Variants in SAMD12 observed in about 807,000 individuals in gnomAD.
The protein encoded by SAMD12 is sterile alpha motif domain containing 12.
A neutral mutation model predicts 15.0 loss-of-function variants in SAMD12; 9 were observed. The ratio of observed to expected loss-of-function variants is 0.60; its 90% CI spans 0.36 to 1.05. The LOEUF (loss-of-function observed/expected upper bound fraction) is 1.05, where lower values mean the gene tolerates loss of function less well. Ranked by LOEUF, SAMD12 falls within the 50% of genes least tolerant of loss-of-function variation. SAMD12 has a pLI of 0.01. For synonymous variants in SAMD12, 86 were observed against 90.1 expected (o/e 0.96, Z 0.25); for missense variants, 230 against 234.2 (o/e 0.98, Z 0.12).
the SAMD12 span, among the ~76,000 whole-genome samples, chr8:118,171,780 A>G: frequency 6.7e-6 from 1 of 149,084 alleles, no homozygotes; most frequent in East Asian, 2.0e-4. Flanking sequence ...CTAAAATTAG[A>G]CTGATGATTG....
the SAMD12 span, among the ~76,000 whole-genome samples, chr8:118,150,647 G>A: frequency 6.6e-6 from 1 of 152,130 alleles, no homozygotes; most frequent in Non-Finnish European, 1.5e-5. Context: ...GAAATTATAG[G>A]CATGAATCAC....
chr8:118,328,840 T>C (rs1490774628), intron 4 of SAMD12, among the ~76,000 whole-genome samples: 1 of 152,194 alleles, frequency 6.6e-6, no homozygotes, highest in Non-Finnish European at 1.5e-5. Context: ...TATCATCCTA[T>C]GTGTAACACT....
At chr8:118,167,195 C>T in the SAMD12 span, among the ~76,000 whole-genome samples, 5 of 152,040 alleles carry the variant, frequency 3.3e-5, no homozygotes, top group African/African-American at 1.2e-4. Flanking sequence ...GCCCCCCGCG[C>T]CCCCCACACG....
chr8:118,358,058 T>C (rs1322629936), intron 4 of SAMD12, among the ~76,000 whole-genome samples: 1 of 152,162 alleles, frequency 6.6e-6, no homozygotes, highest in South Asian at 2.1e-4. Context: ...GGTGGGAGGA[T>C]TGCTTGAGCC....
intron 3 of SAMD12, among the ~76,000 whole-genome samples, chr8:118,402,386 T>A (rs190675043): frequency 3.3e-5 from 5 of 152,268 alleles, no homozygotes; most frequent in Admixed American, 2.0e-4. Flanking sequence ...GAGAAATACG[T>A]AAGATGCAAA....
the SAMD12 span, among the ~76,000 whole-genome samples, chr8:118,184,169 A>C: frequency 6.6e-6 from 1 of 150,718 alleles, no homozygotes; most frequent in Non-Finnish European, 1.5e-5. Flanking sequence ...AAATGAAATA[A>C]AAAAAAATAT....
chr8:118,566,521 T>C (rs1030827108), intron 2 of SAMD12, among the ~76,000 whole-genome samples: 1 of 152,214 alleles, frequency 6.6e-6, no homozygotes, highest in Non-Finnish European at 1.5e-5. Context: ...GAGCCTAATA[T>C]ACACTTTTGA....
chr8:118,177,924 A>G, the SAMD12 span, among the ~76,000 whole-genome samples: 21 of 152,130 alleles, frequency 1.4e-4, no homozygotes, highest in African/African-American at 5.1e-4. Flanking sequence ...ATCTGCTCCC[A>G]TCTGGTCTAA....
chr8:118,570,531 G>A (rs1272874159), intron 2 of SAMD12, among the ~76,000 whole-genome samples: 1 of 152,138 alleles, frequency 6.6e-6, no homozygotes, highest in Non-Finnish European at 1.5e-5. Flanking sequence ...CCCTGCAAAT[G>A]ACATGATCTC....
At chr8:118,586,395 T>C (rs1827443260) in intron 1 of SAMD12, among the ~76,000 whole-genome samples, 1 of 150,310 alleles carries the variant, frequency 6.7e-6, no homozygotes, top group Non-Finnish European at 1.5e-5. Flanking sequence ...CAGGCCGGAG[T>C]GCAGTGGTGT....
chr8:118,225,784 G>A (rs545616018), intron 4 of SAMD12, among the ~76,000 whole-genome samples: 19 of 152,254 alleles, frequency 1.2e-4, no homozygotes, highest in African/African-American at 4.3e-4. Context: ...CAGGCCAAGC[G>A]CAGCGAGGAT....
At chr8:118,343,409 T>C (rs1262867233) in intron 4 of SAMD12, among the ~76,000 whole-genome samples, 3 of 151,314 alleles carry the variant, frequency 2.0e-5, no homozygotes, top group African/African-American at 7.3e-5. Context: ...AAATGCAACA[T>C]GCAAAAATTG....
intron 2 of SAMD12, among the ~76,000 whole-genome samples, chr8:118,449,214 A>C (rs7826375): frequency 0.72 from 108,942 of 151,794 alleles, 39,397 homozygotes; most frequent in African/African-American, 0.8. Context: ...AGGTGCCCAC[A>C]ACCATGCTCA....
intron 2 of SAMD12, among the ~76,000 whole-genome samples, chr8:118,509,674 T>C (rs1450368833): frequency 1.3e-5 from 2 of 152,216 alleles, no homozygotes; most frequent in Non-Finnish European, 2.9e-5. Context: ...GTCTAGATTA[T>C]GATTAGTTTA....
At chr8:118,510,205 A>AC (rs1268069684) in intron 2 of SAMD12, among the ~76,000 whole-genome samples, 1 of 151,188 alleles carries the variant, frequency 6.6e-6, no homozygotes, top group South Asian at 2.1e-4. Context: ...TTGGTGATCA[A>AC]CCCCCCCACC....
chr8:118,559,309 TAC>T (rs1432593345), intron 2 of SAMD12, among the ~76,000 whole-genome samples: 1 of 152,200 alleles, frequency 6.6e-6, no homozygotes, highest in African/African-American at 2.4e-5. Flanking sequence ...TCCCATAGAA[TAC>T]AGTCCTCTGA....
intron 2 of SAMD12, among the ~76,000 whole-genome samples, chr8:118,485,980 G>C (rs1164032713): frequency 6.6e-6 from 1 of 152,106 alleles, no homozygotes; most frequent in African/African-American, 2.4e-5. Context: ...TAACAGAATG[G>C]CCCCCCACAA....
intron 1 of SAMD12, among the ~76,000 whole-genome samples, chr8:118,589,399 A>G (rs1827524885): frequency 6.6e-6 from 1 of 152,224 alleles, no homozygotes; most frequent in African/African-American, 2.4e-5. Flanking sequence ...CTTTGTAAAA[A>G]CAGTTCGCTA....
intron 3 of SAMD12, among the ~76,000 whole-genome samples, chr8:118,398,821 C>T (rs1232625965): frequency 2.0e-5 from 3 of 152,174 alleles, no homozygotes; most frequent in Non-Finnish European, 2.9e-5. Context: ...ACTCACCATA[C>T]ACTTTAAATA....
Sources: allele counts gnomAD v4.1 joint callset (sites outside exome capture counted in the v4.1 genomes callset), GRCh38; gene constraint gnomAD v4.1.1; transcripts MANE v1.5; gene names NCBI Gene and HGNC (gene_info 2026-07-23, HGNC 2026-07-21).